Variants in KMT2B observed in about 807,000 individuals in gnomAD.
KMT2B encodes the protein histone-lysine N-methyltransferase 2B.
In KMT2B, 22 loss-of-function variants were observed where a neutral mutation model predicts 255.3. The ratio of observed to expected loss-of-function variants is 0.09; its 90% CI spans 0.06 to 0.12. KMT2B has a LOEUF of 0.12. KMT2B is among the 10% of genes least tolerant of loss of function. KMT2B has a pLI of 1.00. For synonymous variants in KMT2B, 1,730 were observed against 1,498.1 expected (o/e 1.15, Z -3.57); for missense variants, 3,149 against 3,737.0 (o/e 0.84, Z 4.10).
At chr19:35,722,268 G>C in intron 3 of KMT2B, 91 bp from the exon 4 acceptor site, 11 of 1,333,044 alleles carry the variant, frequency 8.3e-6, no homozygotes, top group Non-Finnish European at 1.1e-5. Flanking sequence ...CTCCCAAAGT[G>C]CTGGGATTAC....
chr19:35,727,194 A>G lies in KMT2B; in HGVS notation c.4042A>G (p.Asn1348Asp), dbSNP rs1969490721. 2 of 1,613,496 alleles carry G rather than the reference A, an allele frequency of 1.2e-6. No homozygotes were observed. The highest frequency in any genetic ancestry group is 1.7e-6 in the Non-Finnish European group (2 of 1,179,736). ...GATCTGTACACGCTGCTATGAAGAC[A>G]ACGACTATGAGAGCAAGATGATGCA... Reference protein sequence around the residue: ...CPICTRCYEDNDYESKMMQCA... With the variant: ...CPICTRCYEDDDYESKMMQCA... Residue 1348 changes from asparagine (N) to aspartate (D), a missense_variant, in exon 15 of 37, where the codon AAC becomes GAC. By Grantham distance (23) the Asn-to-Asp change is conservative (BLOSUM62 1). Around this residue, in one of 18 missense-constraint regions of KMT2B, gnomAD observed 377 missense variants for 471.0 expected, o/e 0.80. Transcript: ENST00000420124. This position sits in a 1 kb window ranked among gnomAD's most constrained non-coding sequence, Gnocchi z 4.2.
At chr19:35,724,560 C>A in intron 8 of KMT2B, 77 bp from the exon 9 acceptor site, 1 of 1,236,092 alleles carries the variant, frequency 8.1e-7, no homozygotes, top group Non-Finnish European at 1.2e-6. Context: ...CCCTGGGAAT[C>A]CAGGTAACAT....
At chr19:35,729,859 C>G (rs77867382) in intron 22 of KMT2B, 108 bp from the exon 23 acceptor site, 18 of 1,124,762 alleles carry the variant, frequency 1.6e-5, no homozygotes, top group East Asian at 7.8e-5. Context: ...CTAGGGAGAG[C>G]CTTTGCCGTG....
chr19:35,731,970 C>T lies in KMT2B; in HGVS notation c.5500C>T (p.Arg1834Cys), dbSNP rs757240834. ...TGTTCTTGTCCCTGGAGCTCCTGAG[C>T]GCCACTCGCCCATTCAGAACCTGGA... ...TDVLVPGAPE[R>C]HSPIQNLDPP... The change falls in exon 27 of 37, where the codon CGC (arginine) becomes TGC (cysteine). Residue 1834 changes from arginine (R) to cysteine (C), a missense_variant. Physicochemically the swap from Arg to Cys is radical, Grantham distance 180. Around this residue, in one of 18 missense-constraint regions of KMT2B, gnomAD observed 897 missense variants for 825.3 expected, o/e 1.09. Transcript: ENST00000420124. 1.7e-5 allele frequency: 28 copies of T among 1,613,776 alleles called. No homozygotes were observed. The East Asian group carries it at 3.3e-4, about 19-fold the overall frequency.
Position 35,721,596 on chromosome 19 carries a change from C to A in KMT2B, c.2249C>A (p.Pro750His), listed in dbSNP as rs373844478. 3.2e-5 allele frequency: 51 copies of A among 1,612,490 alleles called. No homozygotes were observed. The highest frequency in any genetic ancestry group is 4.2e-5 in the Non-Finnish European group (49 of 1,179,796). The change falls in exon 3 of 37, where the codon CCC becomes CAC. Residue 750 changes from proline (P) to histidine (H), a missense_variant. Around this residue, in one of 18 missense-constraint regions of KMT2B, gnomAD observed 1,188 missense variants for 1,106.4 expected, o/e 1.07. Transcript: ENST00000420124. ...PLQALQTQLL[P>H]QALPPPQPQL... ...CAGGCCTTGCAAACCCAGCTCCTGC[C>A]CCAGGCACTACCGCCACCACAGCCA...
At chr19:35,734,328 C>T (rs906432410) in intron 30 of KMT2B, among the ~76,000 whole-genome samples, 1 of 152,110 alleles carries the variant, frequency 6.6e-6, no homozygotes, top group Non-Finnish European at 1.5e-5. Context: ...ACTGCCAGGC[C>T]TGTGGAGTCT....
chr19:35,722,003 CTT>C (rs55836857), intron 3 of KMT2B, among the ~76,000 whole-genome samples, 199 bp downstream of exon 3: 159 of 134,594 alleles, frequency 1.2e-3, no homozygotes, highest in African/African-American at 2.5e-3. Context: ...CCCTATCTTC[CTT>C]TTTTTTTTTT....
At chr19:35,724,907 G>T in intron 9 of KMT2B, 82 bp from the exon 10 acceptor site, 1 of 1,088,916 alleles carries the variant, frequency 9.2e-7, no homozygotes, top group Non-Finnish European at 1.4e-6. Flanking sequence ...GGGTCCAGTA[G>T]GCTGGGGGAA....
chr19:35,728,708 T>C (rs1403478195), intron 19 of KMT2B, 66 bp from the exon 20 acceptor site: 1 of 1,247,558 alleles, frequency 8.0e-7, no homozygotes, highest in African/African-American at 1.5e-5. Context: ...CAGGCTGGTT[T>C]GTGGATGGGC....
intron 9 of KMT2B, 123 bp downstream of exon 9, chr19:35,724,854 G>T (rs1969370244): frequency 9.0e-7 from 1 of 1,110,644 alleles, no homozygotes. Flanking sequence ...GGATGAGGCG[G>T]GCCTTGCCTG....
chr19:35,726,365 G>A lies in KMT2B; in HGVS notation c.4003+12G>A. ...GCTATATGAGAAAGGTGGGGACCGG[G>A]CAGGGGAACTGGATGCTGGGGGCCA... On this transcript the variant is annotated intron_variant, in intron 14 of 36. Transcript: ENST00000420124. 1 of 1,573,438 alleles carries A rather than the reference G, an allele frequency of 6.4e-7. No homozygotes were observed. Among genetic ancestry groups the A allele is most frequent in the Non-Finnish European group, 8.7e-7 (1 of 1,143,142 alleles).
Position 35,723,290 on chromosome 19 carries a change from G to A in KMT2B, c.3002+16G>A, listed in dbSNP as rs759545036. ...AGTGCTGTGTGTGAGTAGCTGGGGC[G>A]TGACCTCATTCCCGTGGTTGTTGGT... On this transcript the variant is annotated intron_variant, in intron 6 of 36. Coordinates refer to ENST00000420124, the MANE Select transcript of KMT2B (RefSeq NM_014727.3). This position sits in a 1 kb window ranked among gnomAD's most constrained non-coding sequence, Gnocchi z 7.5. 18 of 1,606,064 alleles carry A rather than the reference G, an allele frequency of 1.1e-5. No homozygotes were observed. Among genetic ancestry groups the A allele is most frequent in the African/African-American group, 2.7e-5 (2 of 74,914 alleles).
In KMT2B at chr19:35,736,742, C is replaced by A. The variant is rs866987291; in HGVS notation, c.7212C>A (p.Asn2404Lys). 1.9e-6 allele frequency: 3 copies of A among 1,613,846 alleles called. No individual in the cohort carries two copies. The highest frequency in any genetic ancestry group is 2.5e-6 in the Non-Finnish European group (3 of 1,179,882). Residue 2404 changes from asparagine to lysine, a missense_variant, in exon 31 of 37, where the codon AAC (asparagine) becomes AAA (lysine). By Grantham distance (94) the Asn-to-Lys change is moderately conservative. This residue lies in a region of KMT2B where 897 missense variants were observed against 825.3 expected (regional missense o/e 1.09). Transcript: ENST00000420124. Reference sequence around the variant, plus strand: ...CTCCATCCCCAGATGATAAAGAGAACCAGGCCCCAAAACGGACTGGCCCAC... The same window carrying A: ...CTCCATCCCCAGATGATAAAGAGAAACAGGCCCCAAAACGGACTGGCCCAC... ...EEPPSPDDKE[N>K]QAPKRTGPHL...
chr19:35,731,161 A>C (rs1043993654), intron 26 of KMT2B, among the ~76,000 whole-genome samples: 2 of 152,208 alleles, frequency 1.3e-5, no homozygotes, highest in Non-Finnish European at 2.9e-5. Flanking sequence ...CACTGTGCTC[A>C]TGGAGCGCTC....
chr19:35,729,227 G>C lies in KMT2B; in HGVS notation c.4848G>C (p.Ala1616=). 6.2e-6 allele frequency: 10 copies of C among 1,609,544 alleles called. No individual in the cohort carries two copies. The highest frequency in any genetic ancestry group is 1.1e-5 in the South Asian group (1 of 90,264). ...WTHVNCAIWS[A]EVFEENDGSL... ...ACGTCAACTGTGCCATCTGGTCGGC[G>C]GAAGTCTTCGAGGAGAACGACGGCT... is the stretch of plus-strand genomic sequence containing the variant. The change falls in exon 22 of 37, where the codon GCG becomes GCC. Residue 1616 remains alanine, a synonymous_variant. Coordinates refer to ENST00000420124, the MANE Select transcript of KMT2B (RefSeq NM_014727.3).
chr19:35,737,966 T>A lies in KMT2B; in HGVS notation c.7742+24T>A. The A allele has an allele frequency of 1.2e-6, 2 of 1,605,732 alleles. No homozygotes were observed. Among genetic ancestry groups the A allele is most frequent in the Non-Finnish European group, 1.7e-6 (2 of 1,175,752 alleles). ...AGGTGAGTGGGGTTGGGGGGGAGGA[T>A]GCCCCTTGGGTGGACGGACAGGTGC... On this transcript the variant is annotated intron_variant, in intron 35 of 36. Coordinates refer to ENST00000420124, the MANE Select transcript of KMT2B (RefSeq NM_014727.3). The surrounding 1 kb of genome is among the most constrained non-coding windows in gnomAD (Gnocchi z 5.3).
At position 35,732,228 on chromosome 19, in the gene KMT2B, A is replaced by T. The variant is rs779315259; in HGVS notation, c.5679A>T (p.Ser1893=). ...GPLPSPGSPS[S]LTHHIPTVGD... ...CTCCCCCCACAGGAAGTCCATCTTC[A>T]CTGACCCACCACATCCCCACAGTGG... is the stretch of plus-strand genomic sequence containing the variant. Residue 1893 remains serine (S), a synonymous_variant, in exon 28 of 37, where the codon TCA becomes TCT. Coordinates refer to ENST00000420124, the MANE Select transcript of KMT2B (RefSeq NM_014727.3). 3 of 1,598,240 alleles carry T rather than the reference A, an allele frequency of 1.9e-6. No individual in the cohort carries two copies. The highest frequency in any genetic ancestry group is 2.7e-5 in the African/African-American group (2 of 74,144).
Position 35,725,514 on chromosome 19 carries a change from C to T in KMT2B, c.3678C>T (p.His1226=), listed in dbSNP as rs1175186010. The T allele has an allele frequency of 6.2e-7, 1 of 1,611,480 alleles. No homozygotes were observed. Among genetic ancestry groups the T allele is most frequent in the Non-Finnish European group, 8.5e-7 (1 of 1,179,894 alleles). Reference sequence around the variant, plus strand: ...GTCAAGTCTGCTGTGACCCATTCCACCCATTCTGCCTGGAGGAGGCCGAGC... The same window carrying T: ...GTCAAGTCTGCTGTGACCCATTCCATCCATTCTGCCTGGAGGAGGCCGAGC... ...VFCQVCCDPF[H]PFCLEEAERP... Residue 1226 remains histidine (H), a synonymous_variant, in exon 12 of 37, where the codon CAC becomes CAT. Transcript: ENST00000420124. The surrounding 1 kb of genome is among the most constrained non-coding windows in gnomAD (Gnocchi z 4.1).
chr19:35,727,995 TC>T lies in KMT2B; in HGVS notation c.4497+12del, dbSNP rs756910428. ...GGGGCTCCTGCTGAAGGTGAGCTCT[TC>T]CGGGGATGCTTGTGGGGTGGGGGAG... On this transcript the variant is annotated intron_variant, in intron 18 of 36. Coordinates refer to ENST00000420124, the MANE Select transcript of KMT2B (RefSeq NM_014727.3). This position sits in a 1 kb window ranked among gnomAD's most constrained non-coding sequence, Gnocchi z 4.2. 19 of 1,554,058 alleles carry T rather than the reference TC, an allele frequency of 1.2e-5. No homozygotes were observed. The highest frequency in any genetic ancestry group is 1.4e-5 in the Non-Finnish European group (16 of 1,146,912).
Sources: gnomAD v4.1 joint callset for allele counts (sites outside exome capture counted in the v4.1 genomes callset) on GRCh38, gnomAD v4.1.1 for gene constraint, gnomAD v4.1.1 regional missense constraint, Gnocchi (gnomAD v3.1) non-coding constraint, MANE v1.5 for transcripts, NCBI Gene and HGNC (gene_info 2026-07-23, HGNC 2026-07-21) for gene names.